FNBP4: variants seen among roughly 807,000 people sequenced by gnomAD.
FNBP4 encodes the protein formin binding protein 4.
In FNBP4, 34 loss-of-function variants were observed where a neutral mutation model predicts 119.3. The ratio of observed to expected loss-of-function variants is 0.28; its 90% confidence interval spans 0.22 to 0.38. FNBP4 has a LOEUF of 0.38. Ranked by LOEUF, FNBP4 falls within the 10% of genes least tolerant of loss-of-function variation. The pLI, the probability that FNBP4 is intolerant of heterozygous loss-of-function variation, is 1.00. For synonymous variants in FNBP4, 462 were observed against 430.6 expected (o/e 1.07, Z -0.90); for missense variants, 1,112 against 1,228.9 (o/e 0.90, Z 1.42).
At position 47,755,497 on chromosome 11, in the gene FNBP4, A is replaced by G. The variant is rs192558030; in HGVS notation, c.314-833T>C. ...AAAAAATAAAAAAACATGTTGATCT[A>G]TGAGCCAGGCAACACAGCTTATGTC... On this transcript the variant is annotated intron_variant, in intron 2 of 16. Coordinates refer to ENST00000263773, the MANE Select transcript of FNBP4 (RefSeq NM_015308.5). Among the ~76,000 whole-genome samples the G allele has an allele frequency of 6.6e-5, 10 of 152,110 alleles. No individual in the cohort carries two copies. In the East Asian group the frequency reaches 1.9e-3, roughly 29 times the overall value.
chr11:47,754,725 C>T, intron 2 of FNBP4, 61 bp from the exon 3 acceptor site: 6 of 1,563,662 alleles, frequency 3.8e-6, no homozygotes, highest in Non-Finnish European at 5.2e-6. Flanking sequence ...TAAGAAGCAT[C>T]TAAAGCGGAA....
intron 6 of FNBP4, among the ~76,000 whole-genome samples, chr11:47,748,270 A>T (rs981149101): frequency 4.6e-5 from 7 of 151,512 alleles, no homozygotes; most frequent in African/African-American, 1.5e-4. Context: ...AATAAAAAAT[A>T]AAAATAAAAT....
chr11:47,724,389 T>C, intron 13 of FNBP4, 79 bp downstream of exon 13: 3 of 1,603,852 alleles, frequency 1.9e-6, no homozygotes, highest in Middle Eastern at 3.3e-4. Flanking sequence ...CCTTTAAACA[T>C]ATGCTTCTAA....
At position 47,720,813 on chromosome 11, in the gene FNBP4, A is replaced by G. The variant is rs1027166123; in HGVS notation, c.2806-727T>C. On this transcript the variant is annotated intron_variant, in intron 15 of 16. Coordinates refer to ENST00000263773, the MANE Select transcript of FNBP4 (RefSeq NM_015308.5). ...AAAAATAAAGCTGGAAAGAGCAACAAAGCAAACTGCCATATTAGCCGGGGG... is the reference window on the plus strand; with the variant it reads ...AAAAATAAAGCTGGAAAGAGCAACAGAGCAAACTGCCATATTAGCCGGGGG... Among the ~76,000 whole-genome samples the G allele has an allele frequency of 5.3e-5, 8 of 151,338 alleles. No individual in the cohort carries two copies. The Middle Eastern group carries it at 0.01, about 196-fold the overall frequency.
At chr11:47,733,136 C>T (rs561170609) in intron 10 of FNBP4, among the ~76,000 whole-genome samples, 69 of 152,236 alleles carry the variant, frequency 4.5e-4, no homozygotes, top group African/African-American at 1.5e-3. Flanking sequence ...ATCCCAAGTA[C>T]GCAGCAGAGT....
intron 6 of FNBP4, among the ~76,000 whole-genome samples, chr11:47,748,381 G>A (rs892328127): frequency 6.6e-6 from 1 of 151,710 alleles, no homozygotes; most frequent in Non-Finnish European, 1.5e-5. Context: ...TTCTGTAACT[G>A]TAAATTTAAG....
At chr11:47,742,614 G>T (rs2097583922) in intron 8 of FNBP4, among the ~76,000 whole-genome samples, 1 of 151,754 alleles carries the variant, frequency 6.6e-6, no homozygotes, top group Non-Finnish European at 1.5e-5. Context: ...CAGGCTAGGG[G>T]TGCTGGCTCA....
chr11:47,736,117 T>C (rs1341852700), intron 9 of FNBP4, among the ~76,000 whole-genome samples: 4 of 151,156 alleles, frequency 2.6e-5, no homozygotes, highest in African/African-American at 9.7e-5. Flanking sequence ...GGTGGGTGCC[T>C]GTAATCTCAG....
At chr11:47,764,196 C>A (rs1221890933) in intron 2 of FNBP4, among the ~76,000 whole-genome samples, 2 of 152,174 alleles carry the variant, frequency 1.3e-5, no homozygotes, top group Admixed American at 1.3e-4. Flanking sequence ...TCACTGCAAC[C>A]TCCACCTCCT....
At chr11:47,724,345 G>T in intron 13 of FNBP4, 123 bp downstream of exon 13, 1 of 1,554,112 alleles carries the variant, frequency 6.4e-7, no homozygotes, top group South Asian at 1.2e-5. Flanking sequence ...ACCTCCCAAA[G>T]GTCTAGGATA....
At position 47,723,457 on chromosome 11, in the gene FNBP4, G is replaced by A. The variant is rs568837610; in HGVS notation, c.2465-141C>T. ...CTAAAAAGCATAGCCATATTTGCTGGTAGCAAAATATATTAATTTTGAATA... is the reference window on the plus strand; with the variant it reads ...CTAAAAAGCATAGCCATATTTGCTGATAGCAAAATATATTAATTTTGAATA... On this transcript the variant is annotated intron_variant, in intron 14 of 16. Transcript: ENST00000263773. 1.6e-5 allele frequency: 21 copies of A among 1,313,484 alleles called. No homozygotes were observed. The South Asian group carries it at 3.1e-4, about 19-fold the overall frequency. The allele number at this position is 1,313,484 out of a possible 1,614,324, so 81.4% of individuals were successfully genotyped here.
intron 1 of FNBP4, 52 bp from the exon 2 acceptor site, chr11:47,765,414 G>GAAAAC: frequency 7.8e-7 from 1 of 1,276,736 alleles, no homozygotes. Flanking sequence ...GAAAAGAAAA[G>GAAAAC]AAAACTGCAG....
rs71045510 is a variant in FNBP4 at position 47,738,847 on chromosome 11, ATTTTTTTTTTTTTTT to A, written c.1457-2122_1457-2108del. ...AGGTGTTTGCCACCATGCCCAGGTA[ATTTTTTTTTTTTTTT>A]TTTTTTTTTTTTTTTTTTTTTTAGT... On this transcript the variant is annotated intron_variant, in intron 8 of 16. Coordinates refer to ENST00000263773, the MANE Select transcript of FNBP4 (RefSeq NM_015308.5). Among the ~76,000 whole-genome samples, 214 of 110,986 alleles carry A rather than the reference ATTTTTTTTTTTTTTT, an allele frequency of 1.9e-3. 2 individuals are homozygous for A. The highest frequency in any genetic ancestry group is 5.6e-3 in the African/African-American group (173 of 30,722). 72.8% of individuals were successfully genotyped at this position (110,986 alleles called of 152,430 possible).
chr11:47,744,923 C>G (rs1158355577), intron 7 of FNBP4, among the ~76,000 whole-genome samples: 1 of 152,086 alleles, frequency 6.6e-6, no homozygotes, highest in African/African-American at 2.4e-5. Context: ...AGTCAGGGAT[C>G]CTGAATGGAA....
intron 16 of FNBP4, among the ~76,000 whole-genome samples, chr11:47,718,788 G>C (rs1782751589): frequency 6.6e-6 from 1 of 152,012 alleles, no homozygotes; most frequent in African/African-American, 2.4e-5. Context: ...ATAAAAAATT[G>C]TACTTGCTGT....
At chr11:47,720,676 T>C (rs2097554670) in intron 15 of FNBP4, among the ~76,000 whole-genome samples, 1 of 151,746 alleles carries the variant, frequency 6.6e-6, no homozygotes, top group Admixed American at 6.6e-5. Flanking sequence ...CTATCCTATG[T>C]AATTCAAAAT....
intron 2 of FNBP4, among the ~76,000 whole-genome samples, chr11:47,755,640 A>AC (rs2097615761): frequency 6.6e-6 from 1 of 151,290 alleles, no homozygotes; most frequent in Non-Finnish European, 1.5e-5. Flanking sequence ...AAAAACAAAA[A>AC]AAAAAAAAAG....
chr11:47,742,218 C>T (rs1246375235), intron 8 of FNBP4, among the ~76,000 whole-genome samples: 1 of 151,976 alleles, frequency 6.6e-6, no homozygotes, highest in South Asian at 2.1e-4. Flanking sequence ...GGATTACATG[C>T]CTGTACTCCC....
At position 47,734,099 on chromosome 11, in the gene FNBP4, T is replaced by A; in HGVS notation, c.1612A>T (p.Thr538Ser). 1 of 1,594,764 alleles carries A rather than the reference T, an allele frequency of 6.3e-7. No homozygotes were observed. The highest frequency in any genetic ancestry group is 8.5e-7 in the Non-Finnish European group (1 of 1,175,542). The part of the protein sequence containing the change: ...FQIGELANTL[T>S]SKFEFLGINR... The stretch of plus-strand genomic sequence containing the variant: ...ATGCCTAGAAACTCGAATTTACTTG[T>A]CAGGGTATTTGCCAGTTCTCCAATC... Residue 538 changes from threonine to serine, a missense_variant, in exon 10 of 17, where the codon ACA becomes TCA. Transcript: ENST00000263773.
Sources: allele counts gnomAD v4.1 joint callset (sites outside exome capture counted in the v4.1 genomes callset), GRCh38; gene constraint gnomAD v4.1.1; transcripts MANE v1.5; gene names NCBI Gene and HGNC (gene_info 2026-07-23, HGNC 2026-07-21).